FOXJ3: variants seen among roughly 807,000 people sequenced by gnomAD.
The protein encoded by FOXJ3 is forkhead box J3.
FOXJ3 carries 22 observed loss-of-function variants against 76.1 expected under a neutral mutation model. The ratio of observed to expected loss-of-function variants is 0.29; its 90% CI spans 0.21 to 0.41. The LOEUF (loss-of-function observed/expected upper bound fraction) is 0.41. Among genes scored for constraint, FOXJ3 ranks in the 10% least tolerant of loss-of-function variants. The pLI is 1.00. For synonymous variants in FOXJ3, 269 were observed against 261.2 expected (o/e 1.03, Z -0.29); for missense variants, 613 against 762.1 (o/e 0.80, Z 2.30).
intron 2 of FOXJ3, among the ~76,000 whole-genome samples, chr1:42,307,939 G>A (rs959375584): frequency 6.6e-6 from 1 of 152,184 alleles, no homozygotes; most frequent in Admixed American, 6.5e-5. Context: ...ATCATCCACA[G>A]AAAACAATAC....
At chr1:42,188,437 G>C (rs541075280) in intron 11 of FOXJ3, among the ~76,000 whole-genome samples, 11 of 152,232 alleles carry the variant, frequency 7.2e-5, no homozygotes, top group Admixed American at 7.2e-4. Context: ...CTATAAAAAC[G>C]TAAGTATCTC....
At position 42,320,698 on chromosome 1, in the gene FOXJ3, T is replaced by C. The variant is rs543437307; in HGVS notation, c.-17-9588A>G. Reference sequence around the variant, plus strand: ...ACATTATATGTTTAAATCACCTTTATTGAATATACATGAAATATGAAAAAT... The same window carrying C: ...ACATTATATGTTTAAATCACCTTTACTGAATATACATGAAATATGAAAAAT... On this transcript the variant is annotated intron_variant, in intron 1 of 12. Transcript: ENST00000361346. Among the ~76,000 whole-genome samples, 6 of 152,332 alleles carry C rather than the reference T, an allele frequency of 3.9e-5. 1 individual carries two copies. In the South Asian group the frequency reaches 1.2e-3, roughly 32 times the overall value.
At chr1:42,278,297 TCAA>T in intron 3 of FOXJ3, 48 bp downstream of exon 3, 1 of 1,232,564 alleles carries the variant, frequency 8.1e-7, no homozygotes, top group South Asian at 1.4e-5. Context: ...TCAGTAGAAA[TCAA>T]CATCATTGCT....
In FOXJ3 at chr1:42,278,475, T is replaced by C; in HGVS notation, c.242A>G (p.Tyr81Cys). 6.2e-7 allele frequency: 1 copy of C among 1,614,162 alleles called. No individual in the cohort carries two copies. Among genetic ancestry groups the C allele is most frequent in the Non-Finnish European group, 8.5e-7 (1 of 1,179,984 alleles). ...VQQHKDGKPP[Y>C]SYASLITFAI... The stretch of plus-strand genomic sequence containing the variant: ...AAATGTAATGAGGCTGGCATAACTG[T>C]ATGGAGGTTTCCCATCTTTGTGCTG... Residue 81 changes from tyrosine (Y) to cysteine (C), a missense_variant, in exon 3 of 13, where the codon TAC (tyrosine) becomes TGC (cysteine). Coordinates refer to ENST00000361346, the MANE Select transcript of FOXJ3 (RefSeq NM_014947.5).
chr1:42,260,617 T>C lies in FOXJ3; in HGVS notation c.444+4498A>G, dbSNP rs529663024. Among the ~76,000 whole-genome samples, 7 of 152,186 alleles carry C rather than the reference T, an allele frequency of 4.6e-5. No individual in the cohort carries two copies. The South Asian group carries it at 1.5e-3, about 32-fold the overall frequency. ...ACTCTGGAGAATCACCTGAGCCCAGTAGGCTATGAGAGCACCACTGCACTG... is the reference window on the plus strand; with the variant it reads ...ACTCTGGAGAATCACCTGAGCCCAGCAGGCTATGAGAGCACCACTGCACTG... On this transcript the variant is annotated intron_variant, in intron 4 of 12. Coordinates refer to ENST00000361346, the MANE Select transcript of FOXJ3 (RefSeq NM_014947.5).
intron 2 of FOXJ3, among the ~76,000 whole-genome samples, chr1:42,300,301 C>T (rs770031490): frequency 1.3e-5 from 2 of 152,136 alleles, no homozygotes; most frequent in Non-Finnish European, 2.9e-5. Context: ...TTTATAGACT[C>T]GGTGAGCTTT....
chr1:42,235,683 C>T (rs1648564836), intron 4 of FOXJ3, among the ~76,000 whole-genome samples: 1 of 152,136 alleles, frequency 6.6e-6, no homozygotes, highest in South Asian at 2.1e-4. Context: ...CTGCCTTAGC[C>T]TCCCAGGTAG....
chr1:42,228,305 T>G (rs1243448602), intron 4 of FOXJ3, among the ~76,000 whole-genome samples: 2 of 152,182 alleles, frequency 1.3e-5, no homozygotes, highest in South Asian at 4.1e-4. Flanking sequence ...ATTTAATGTA[T>G]AAAGATACTG....
intron 1 of FOXJ3, chr1:42,323,686 T>C: frequency 2.0e-6 from 2 of 982,900 alleles, no homozygotes; most frequent in Non-Finnish European, 2.4e-6. Context: ...TTAATTACCT[T>C]TGGATCTCTC....
chr1:42,213,556 T>C (rs1040360384), intron 5 of FOXJ3, among the ~76,000 whole-genome samples: 9 of 150,902 alleles, frequency 6.0e-5, no homozygotes, highest in Admixed American at 2.6e-4. Context: ...TACATGCACC[T>C]AACTCCAATG....
chr1:42,263,901 G>GA (rs1651255760), intron 4 of FOXJ3, among the ~76,000 whole-genome samples: 1 of 132,378 alleles, frequency 7.6e-6, no homozygotes, highest in African/African-American at 2.8e-5. Flanking sequence ...CAAAGAGCTT[G>GA]AAAAAAAGAG....
intron 2 of FOXJ3, among the ~76,000 whole-genome samples, chr1:42,301,671 G>A (rs1654158989): frequency 6.6e-6 from 1 of 152,088 alleles, no homozygotes; most frequent in Non-Finnish European, 1.5e-5. Flanking sequence ...TCCAAAAGAT[G>A]TTTGGGTTTA....
At chr1:42,204,341 T>A (rs1270066172) in intron 6 of FOXJ3, among the ~76,000 whole-genome samples, 1 of 152,056 alleles carries the variant, frequency 6.6e-6, no homozygotes, top group Non-Finnish European at 1.5e-5. Flanking sequence ...TTTACACAGA[T>A]AGGCAGAAAG....
intron 2 of FOXJ3, among the ~76,000 whole-genome samples, chr1:42,289,757 T>C (rs1489210777): frequency 6.6e-6 from 1 of 152,164 alleles, no homozygotes; most frequent in Non-Finnish European, 1.5e-5. Context: ...ATTACAGACC[T>C]TCCATACTGC....
intron 1 of FOXJ3, chr1:42,334,172 T>C (rs1160223911): frequency 1.0e-6 from 1 of 959,372 alleles, no homozygotes; most frequent in African/African-American, 1.8e-5. Flanking sequence ...TTCTCTATAA[T>C]TAAGCAACAG....
intron 2 of FOXJ3, among the ~76,000 whole-genome samples, chr1:42,302,291 G>A (rs762728654): frequency 2.6e-5 from 4 of 152,232 alleles, no homozygotes; most frequent in Non-Finnish European, 5.9e-5. Context: ...CACAGGTTAA[G>A]AGCCAGCTGA....
intron 6 of FOXJ3, among the ~76,000 whole-genome samples, chr1:42,200,120 G>A (rs774955544): frequency 1.3e-5 from 2 of 151,840 alleles, no homozygotes; most frequent in Non-Finnish European, 2.9e-5. Flanking sequence ...AGTTACCCAG[G>A]CATCCAGAAA....
At chr1:42,305,810 T>C (rs1654423478) in intron 2 of FOXJ3, among the ~76,000 whole-genome samples, 1 of 152,178 alleles carries the variant, frequency 6.6e-6, no homozygotes, top group Non-Finnish European at 1.5e-5. Context: ...CACAACAGGG[T>C]GACTACAGTC....
At chr1:42,204,457 T>G (rs1346774429) in intron 6 of FOXJ3, among the ~76,000 whole-genome samples, 1 of 152,160 alleles carries the variant, frequency 6.6e-6, no homozygotes, top group Non-Finnish European at 1.5e-5. Context: ...CATTACTACT[T>G]CCTAATTGTT....
Sources: allele counts gnomAD v4.1 joint callset (sites outside exome capture counted in the v4.1 genomes callset), GRCh38; gene constraint gnomAD v4.1.1; transcripts MANE v1.5; gene names NCBI Gene and HGNC (gene_info 2026-07-23, HGNC 2026-07-21).